TJP1: variants seen among roughly 807,000 people sequenced by gnomAD.
TJP1 encodes the protein tight junction protein ZO-1.
A neutral mutation model predicts 194.2 loss-of-function variants in TJP1; 43 were observed. That is an observed-to-expected ratio of 0.22 (90% confidence interval 0.17 to 0.29). TJP1 has a LOEUF of 0.29. Ranked by LOEUF, TJP1 falls within the 10% of genes least tolerant of loss-of-function variation. The pLI is 1.00. For missense variants in TJP1, 1,971 were observed against 2,185.7 expected (o/e 0.90, Z 1.96); for synonymous variants, 801 against 779.0 (o/e 1.03, Z -0.47).
At chr15:29,767,835 C>A (rs2046417643) in intron 4 of TJP1, among the ~76,000 whole-genome samples, 1 of 152,008 alleles carries the variant, frequency 6.6e-6, no homozygotes, top group Admixed American at 6.6e-5. Flanking sequence ...TCTCAAAGAC[C>A]AAGGCAATCT....
intron 8 of TJP1, among the ~76,000 whole-genome samples, chr15:29,754,855 C>T (rs1357662265): frequency 6.6e-6 from 1 of 152,132 alleles, no homozygotes; most frequent in East Asian, 1.9e-4. Flanking sequence ...TACGCTCAAC[C>T]TGTATGTAAG....
At chr15:29,779,254 T>G (rs2047203970) in intron 2 of TJP1, among the ~76,000 whole-genome samples, 1 of 152,076 alleles carries the variant, frequency 6.6e-6, no homozygotes, top group South Asian at 2.1e-4. Context: ...GGCCAAAACC[T>G]CCTTCCTCAG....
chr15:29,718,080 G>C lies in TJP1; in HGVS notation c.3915C>G (p.Ile1305Met), dbSNP rs1437822235. 1.2e-6 allele frequency: 2 copies of C among 1,609,762 alleles called. No homozygotes were observed. The highest frequency in any genetic ancestry group is 1.7e-6 in the Non-Finnish European group (2 of 1,179,082). The change falls in exon 22 of 28, where the codon ATC becomes ATG. Residue 1305 changes from isoleucine to methionine, a missense_variant. Transcript: ENST00000614355. Reference sequence around the variant, plus strand: ...TCTGAGAAGTGGGTTTGGGACCAATGATGGGAGCACCTGAAGGTTTAGATG... The same window carrying C: ...TCTGAGAAGTGGGTTTGGGACCAATCATGGGAGCACCTGAAGGTTTAGATG... ...EVASKPSGAP[I>M]IGPKPTSQNQ... is the part of the protein sequence containing the mutation.
At chr15:29,816,464 A>C (rs1188640112) in intron 1 of TJP1, among the ~76,000 whole-genome samples, 1 of 152,216 alleles carries the variant, frequency 6.6e-6, no homozygotes, top group Non-Finnish European at 1.5e-5. Flanking sequence ...TAGGATTATC[A>C]GCCAACTATA....
intron 2 of TJP1, among the ~76,000 whole-genome samples, chr15:29,949,338 C>A (rs1456725458): frequency 7.3e-6 from 1 of 136,640 alleles, no homozygotes; most frequent in Admixed American, 7.4e-5. Flanking sequence ...ACCTCCACCA[C>A]CTCCACCACC....
intron 2 of TJP1, among the ~76,000 whole-genome samples, chr15:29,788,531 A>T (rs2047855144): frequency 6.6e-6 from 1 of 152,118 alleles, no homozygotes. Context: ...CATGTGGTTA[A>T]CCAGCTGTCC....
At position 29,777,126 on chromosome 15, in the gene TJP1, G is replaced by T. The variant is rs117604234; in HGVS notation, c.85-3769C>A. ...GGCACACTTCCTGTTTGCATACCTAGACTACTGAAAACGTGTGTATTCAAG... is the reference window on the plus strand; with the variant it reads ...GGCACACTTCCTGTTTGCATACCTATACTACTGAAAACGTGTGTATTCAAG... On this transcript the variant is annotated intron_variant, in intron 2 of 27. Transcript: ENST00000614355. Among the ~76,000 whole-genome samples, 614 of 152,230 alleles carry T rather than the reference G, an allele frequency of 4.0e-3. 15 individuals are homozygous for T. In the East Asian group the frequency reaches 0.076, roughly 19 times the overall value.
chr15:29,797,177 C>CT (rs2048468281), intron 2 of TJP1, among the ~76,000 whole-genome samples: 1 of 152,156 alleles, frequency 6.6e-6, no homozygotes, highest in African/African-American at 2.4e-5. Context: ...GAGACAGAGT[C>CT]TTACTCTGTC....
At chr15:29,746,847 G>C (rs1033726045) in intron 8 of TJP1, among the ~76,000 whole-genome samples, 2 of 151,924 alleles carry the variant, frequency 1.3e-5, no homozygotes, top group Non-Finnish European at 2.9e-5. Context: ...ATTCTGTGGA[G>C]GTGTATTCTA....
intron 24 of TJP1, among the ~76,000 whole-genome samples, chr15:29,710,135 C>T (rs766842610): frequency 3.3e-5 from 5 of 150,998 alleles, no homozygotes; most frequent in Non-Finnish European, 7.4e-5. Context: ...GAGAGCAAGG[C>T]TTCGTCTCAA....
At position 29,822,171 on chromosome 15, in the gene TJP1, C is replaced by T. The variant is rs1191259708; in HGVS notation, c.-143G>A. 2.5e-6 allele frequency: 3 copies of T among 1,181,222 alleles called. No individual in the cohort carries two copies. Among genetic ancestry groups the T allele is most frequent in the Admixed American group, 9.1e-5 (2 of 21,974 alleles). The allele number at this position is 1,181,222 out of a possible 1,614,324, so 73.2% of individuals were successfully genotyped here. On this transcript the variant is annotated 5_prime_UTR_variant, in exon 1 of 28. Coordinates refer to ENST00000614355, the MANE Select transcript of TJP1 (RefSeq NM_001330239.4). Reference sequence around the variant, plus strand: ...GCGGGGGCGGCCGGAAGGGCCCGGCCCAGGGGGAGGGAATTCAACTCGGAC... The same window carrying T: ...GCGGGGGCGGCCGGAAGGGCCCGGCTCAGGGGGAGGGAATTCAACTCGGAC...
intron 15 of TJP1, chr15:29,728,936 T>A (rs2151213144): frequency 6.6e-6 from 1 of 152,272 alleles, no homozygotes; most frequent in African/African-American, 2.4e-5. Flanking sequence ...ACTCCTCAAC[T>A]CAAAAGACTG....
chr15:29,760,038 T>C (rs900531470), intron 8 of TJP1: 1 of 528,270 alleles, frequency 1.9e-6, no homozygotes. Context: ...TTGAGGAACC[T>C]CCATACTGTT....
At chr15:29,790,751 C>CTTTTTTT (rs926624507) in intron 2 of TJP1, among the ~76,000 whole-genome samples, 13 of 130,780 alleles carry the variant, frequency 9.9e-5, no homozygotes, top group Non-Finnish European at 2.0e-4. Flanking sequence ...GTTCATTTTT[C>CTTTTTTT]TTTTTTTTTT....
At position 29,770,300 on chromosome 15, in the gene TJP1, G is replaced by A. The variant is rs184197663; in HGVS notation, c.312+1764C>T. 5.9e-5 allele frequency among the ~76,000 whole-genome samples: 9 copies of A among 151,726 alleles called. No homozygotes were observed. The East Asian group carries it at 9.7e-4, about 16-fold the overall frequency. ...CATCTCTACTAAAAATACAAAATACGGGCTTGGTAGCGGTCGCCTGTAATC... is the reference window on the plus strand; with the variant it reads ...CATCTCTACTAAAAATACAAAATACAGGCTTGGTAGCGGTCGCCTGTAATC... On this transcript the variant is annotated intron_variant, in intron 4 of 27. Transcript: ENST00000614355.
At position 29,718,578 on chromosome 15, in the gene TJP1, G is replaced by A. The variant is rs771598268; in HGVS notation, c.3564C>T (p.Ser1188=). The part of the protein sequence containing the change: ...HPSAGPKPAE[S]KQYFEQYSRS... ...GTGAATATTGCTCAAAATACTGCTT[G>A]GACTCTGCAGGCTTGGGCCCTGCTG... The change falls in exon 21 of 28, where the codon TCC becomes TCT. Residue 1188 remains serine, a synonymous_variant. Coordinates refer to ENST00000614355, the MANE Select transcript of TJP1 (RefSeq NM_001330239.4). 6.2e-7 allele frequency: 1 copy of A among 1,614,134 alleles called. No homozygotes were observed. The highest frequency in any genetic ancestry group is 1.7e-5 in the Admixed American group (1 of 60,016).
chr15:29,841,264 T>C (rs1410834126), intron 2 of TJP1, among the ~76,000 whole-genome samples: 3 of 152,168 alleles, frequency 2.0e-5, no homozygotes, highest in South Asian at 4.1e-4. Context: ...GGCTGCAGTT[T>C]AGTTGGGCTA....
chr15:29,955,165 G>C (rs1356177583), intron 2 of TJP1, among the ~76,000 whole-genome samples: 1 of 152,098 alleles, frequency 6.6e-6, no homozygotes, highest in Non-Finnish European at 1.5e-5. Flanking sequence ...GAAAAAGACA[G>C]AATTTAGTTT....
At chr15:29,796,346 A>C (rs1257004318) in intron 2 of TJP1, among the ~76,000 whole-genome samples, 2 of 151,620 alleles carry the variant, frequency 1.3e-5, no homozygotes, top group Non-Finnish European at 2.9e-5. Context: ...GCTATAAAAA[A>C]AAAAACAAAA....
Sources: gnomAD v4.1 joint callset for allele counts (sites outside exome capture counted in the v4.1 genomes callset) on GRCh38, gnomAD v4.1.1 for gene constraint, MANE v1.5 for transcripts, NCBI Gene and HGNC (gene_info 2026-07-23, HGNC 2026-07-21) for gene names.